The following MXI1 variants were observed in gnomAD, a reference collection of about 807,000 sequenced individuals.
MXI1 encodes the protein max-interacting protein 1.
A neutral mutation model predicts 36.9 loss-of-function variants in MXI1; 18 were observed. That is an observed-to-expected ratio of 0.49 (90% CI 0.34 to 0.72). The LOEUF is 0.72. Ranked by LOEUF, MXI1 falls within the 30% of genes least tolerant of loss-of-function variation. MXI1 has a pLI of 0.01. For missense variants in MXI1, 304 were observed against 379.1 expected (o/e 0.80, Z 1.64); for synonymous variants, 160 against 146.7 (o/e 1.09, Z -0.65).
At chr10:110,215,881 A>AT (rs1184184080) in intron 1 of MXI1, among the ~76,000 whole-genome samples, 1 of 152,024 alleles carries the variant, frequency 6.6e-6, no homozygotes, top group Non-Finnish European at 1.5e-5. Flanking sequence ...GAGAAAAAAA[A>AT]GAGAGGGAGG....
intron 5 of MXI1, among the ~76,000 whole-genome samples, chr10:110,283,036 T>C (rs1017643555): frequency 4.6e-5 from 7 of 152,120 alleles, no homozygotes; most frequent in African/African-American, 1.7e-4. Flanking sequence ...TGCCTTGTTA[T>C]TATCTTCTAG....
rs1171370718 is a variant in MXI1, at chr10:110,228,292, C to T, written c.378C>T (p.Ser126=). 1 of 1,614,100 alleles carries T rather than the reference C, an allele frequency of 6.2e-7. No individual in the cohort carries two copies. Among genetic ancestry groups the T allele is most frequent in the Admixed American group, 1.7e-5 (1 of 60,006 alleles). ...TGAGCCGGGCACAGAAACACAGCAG[C>T]GGGAGCAGCAACACCAGCACTGCCA... is the stretch of plus-strand genomic sequence containing the variant. ...RRLSRAQKHS[S]GSSNTSTANR... is the part of the protein sequence containing the mutation. The change falls in exon 2 of 6, where the codon AGC becomes AGT. Residue 126 remains serine (S), a synonymous_variant. Transcript: ENST00000332674.
At chr10:110,222,357 T>A (rs1049710202) in intron 1 of MXI1, among the ~76,000 whole-genome samples, 4 of 152,178 alleles carry the variant, frequency 2.6e-5, no homozygotes, top group African/African-American at 9.7e-5. Flanking sequence ...ACTTTGGACT[T>A]GTAACTTAAC....
intron 3 of MXI1, among the ~76,000 whole-genome samples, chr10:110,271,334 T>A (rs181933586): frequency 2.4e-4 from 36 of 152,174 alleles, no homozygotes; most frequent in Admixed American, 1.8e-3. Context: ...CTTTGGTGAG[T>A]TAGAGAGTCC....
At chr10:110,242,966 G>A (rs1251356619) in intron 2 of MXI1, among the ~76,000 whole-genome samples, 2 of 151,888 alleles carry the variant, frequency 1.3e-5, no homozygotes, top group African/African-American at 4.8e-5. Context: ...TCAGAGAGAG[G>A]CAATTAAACC....
At chr10:110,266,589 A>G (rs1393359055) in intron 3 of MXI1, among the ~76,000 whole-genome samples, 2 of 152,226 alleles carry the variant, frequency 1.3e-5, no homozygotes, top group African/African-American at 4.8e-5. Context: ...CTGAACATCC[A>G]GTTCCTTAGC....
rs1207506815 is a variant in MXI1 at position 110,207,881 on chromosome 10, G to T, written c.73G>T (p.Ala25Ser). 1 of 1,302,196 alleles carries T rather than the reference G, an allele frequency of 7.7e-7. No individual in the cohort carries two copies. The highest frequency in any genetic ancestry group is 1.9e-5 in the South Asian group (1 of 51,396). 80.7% of individuals were successfully genotyped at this position (1,302,196 alleles called of 1,614,324 possible). The change falls in exon 1 of 6, where the codon GCT becomes TCT. Residue 25 changes from alanine to serine, a missense_variant. This residue lies in a region of MXI1 where 179 missense variants were observed against 184.8 expected (regional missense o/e 0.97). Coordinates refer to ENST00000332674, the MANE Select transcript of MXI1 (RefSeq NM_130439.3). ...GAGLAPAAPP[A>S]VPPAVAAPQP... Reference sequence around the variant, plus strand: ...GGGGCTGGCCCCCGCCGCGCCCCCGGCTGTGCCCCCCGCCGTGGCCGCGCC... The same window carrying T: ...GGGGCTGGCCCCCGCCGCGCCCCCGTCTGTGCCCCCCGCCGTGGCCGCGCC...
At chr10:110,277,231 A>G (rs190742812) in intron 3 of MXI1, among the ~76,000 whole-genome samples, 5 of 152,346 alleles carry the variant, frequency 3.3e-5, no homozygotes, top group African/African-American at 1.2e-4. Flanking sequence ...TTGACAAGGT[A>G]TTCTTGCGGT....
chr10:110,265,648 T>TC (rs1233601088), intron 3 of MXI1, among the ~76,000 whole-genome samples: 1 of 152,204 alleles, frequency 6.6e-6, no homozygotes, highest in Admixed American at 6.5e-5. Context: ...TGAGCCCTGC[T>TC]CTGGAGGATT....
At chr10:110,251,405 T>C (rs1856081575) in intron 3 of MXI1, among the ~76,000 whole-genome samples, 1 of 152,178 alleles carries the variant, frequency 6.6e-6, no homozygotes, top group African/African-American at 2.4e-5. Flanking sequence ...TATTCTATTC[T>C]AGTTAAGGTT....
At chr10:110,259,820 AAAACTTTAGGTCT>A (rs924206723) in intron 3 of MXI1, among the ~76,000 whole-genome samples, 10 of 152,070 alleles carry the variant, frequency 6.6e-5, no homozygotes, top group Middle Eastern at 3.2e-3. Context: ...TTACTAGTGA[AAAACTTTAGGTCT>A]AAACTAGGAT....
At chr10:110,212,602 A>G (rs1854539675) in intron 1 of MXI1, among the ~76,000 whole-genome samples, 1 of 152,216 alleles carries the variant, frequency 6.6e-6, no homozygotes, top group Non-Finnish European at 1.5e-5. Flanking sequence ...AAACCTTTGC[A>G]GTCACATGGA....
At chr10:110,248,111 T>G (rs1174374646) in intron 3 of MXI1, among the ~76,000 whole-genome samples, 1 of 152,068 alleles carries the variant, frequency 6.6e-6, no homozygotes, top group East Asian at 1.9e-4. Flanking sequence ...ACACAAACAC[T>G]GCGTGTTCTC....
Position 110,284,948 on chromosome 10 carries a change from T to C in MXI1, c.849T>C (p.Gly283=). The C allele has an allele frequency of 1.9e-6, 3 of 1,613,790 alleles. No individual in the cohort carries two copies. Among genetic ancestry groups the C allele is most frequent in the Non-Finnish European group, 2.5e-6 (3 of 1,179,938 alleles). ...SSLPSIGSDE[G]YSSASVKLSF... Reference sequence around the variant, plus strand: ...TGCCGAGTATTGGGAGTGACGAGGGTTACTCCAGTGCCAGTGTCAAACTTT... The same window carrying C: ...TGCCGAGTATTGGGAGTGACGAGGGCTACTCCAGTGCCAGTGTCAAACTTT... Residue 283 remains glycine (G), a synonymous_variant, in exon 6 of 6, where the codon GGT becomes GGC. Coordinates refer to ENST00000332674, the MANE Select transcript of MXI1 (RefSeq NM_130439.3).
At chr10:110,268,127 C>A (rs1856740462) in intron 3 of MXI1, among the ~76,000 whole-genome samples, 1 of 152,172 alleles carries the variant, frequency 6.6e-6, no homozygotes, top group Non-Finnish European at 1.5e-5. Context: ...GCCTGATGAA[C>A]AACTAAAATA....
At chr10:110,226,026 C>G (rs1854953489) in intron 1 of MXI1, 19 of 980,300 alleles carry the variant, frequency 1.9e-5, no homozygotes, top group Non-Finnish European at 2.3e-5. Context: ...GCCCGCGGCA[C>G]GGCGGGCGCG....
rs573369904 is a variant in MXI1 at position 110,285,168 on chromosome 10, G to C, written c.*181G>C. 1.3e-5 allele frequency: 6 copies of C among 469,656 alleles called. No homozygotes were observed. The highest frequency in any genetic ancestry group is 1.2e-4 in the African/African-American group (6 of 49,660). The allele number at this position is 469,656 out of a possible 1,614,324, so 29.1% of individuals were successfully genotyped here. ...TTAAGCAAATACTTAGCAAAAAGTG[G>C]GGCAGAGCCTCCCAAGGAGAACAAA... On this transcript the variant is annotated 3_prime_UTR_variant, in exon 6 of 6. Coordinates refer to ENST00000332674, the MANE Select transcript of MXI1 (RefSeq NM_130439.3).
rs1855249736 is a variant in MXI1, at chr10:110,231,305, T to TGCA, written c.407+2986_407+2988dup. 2.0e-5 allele frequency among the ~76,000 whole-genome samples: 3 copies of TGCA among 151,836 alleles called. No homozygotes were observed. In the South Asian group the frequency reaches 6.2e-4, roughly 32 times the overall value. ...TTGCTGGAACTTGGGAGGCGGAGGT[T>TGCA]GCAGTGAGCTGAGATTGCATCACTG... On this transcript the variant is annotated intron_variant, in intron 2 of 5. Transcript: ENST00000332674.
intron 1 of MXI1, chr10:110,227,303 G>A (rs1855081295): frequency 1.0e-6 from 1 of 957,300 alleles, no homozygotes; most frequent in Non-Finnish European, 1.2e-6. Flanking sequence ...GTGTGGGAGG[G>A]GCGGGTGCGG....
Sources: gnomAD v4.1 joint callset for allele counts (sites outside exome capture counted in the v4.1 genomes callset) on GRCh38, gnomAD v4.1.1 for gene constraint, gnomAD v4.1.1 regional missense constraint, MANE v1.5 for transcripts, NCBI Gene and HGNC (gene_info 2026-07-23, HGNC 2026-07-21) for gene names.